The following ROR1 variants were observed in gnomAD, a reference collection of about 807,000 sequenced individuals.
ROR1 encodes the protein inactive tyrosine-protein kinase transmembrane receptor ROR1.
A neutral mutation model predicts 78.8 loss-of-function variants in ROR1; 19 were observed. The ratio of observed to expected loss-of-function variants is 0.24; its 90% CI spans 0.17 to 0.35. The LOEUF (loss-of-function observed/expected upper bound fraction) is 0.35, where lower values mean the gene tolerates loss of function less well. Among genes scored for constraint, ROR1 ranks in the 10% least tolerant of loss-of-function variants. ROR1 has a pLI of 1.00. For missense variants in ROR1, 917 were observed against 1,177.8 expected (o/e 0.78, Z 3.24); for synonymous variants, 386 against 433.6 (o/e 0.89, Z 1.36).
intron 1 of ROR1, among the ~76,000 whole-genome samples, chr1:63,890,871 C>CA (rs1645390023): frequency 6.6e-6 from 1 of 152,130 alleles, no homozygotes; most frequent in Non-Finnish European, 1.5e-5. Context: ...TGTCTACGGC[C>CA]ATACCACGCT....
At chr1:64,109,868 C>T (rs1229693144) in intron 4 of ROR1, among the ~76,000 whole-genome samples, 1 of 152,048 alleles carries the variant, frequency 6.6e-6, no homozygotes, top group Non-Finnish European at 1.5e-5. Context: ...GTGGGATGGG[C>T]AGGAATTTGT....
At chr1:63,868,404 G>A (rs955403181) in intron 1 of ROR1, among the ~76,000 whole-genome samples, 2 of 152,166 alleles carry the variant, frequency 1.3e-5, no homozygotes, top group South Asian at 4.1e-4. Flanking sequence ...GGCAGAGGGA[G>A]GCTGGGCCAT....
rs1569892814 is a variant in ROR1 at position 64,177,539 on chromosome 1, G to A, written c.1498G>A (p.Ala500Thr). 1 of 1,614,146 alleles carries A rather than the reference G, an allele frequency of 6.2e-7. No homozygotes were observed. Among genetic ancestry groups the A allele is most frequent in the East Asian group, 2.2e-5 (1 of 44,878 alleles). ...GHLYLPGMDH[A>T]QLVAIKTLKD... ...TCTCTATCTCCCAGGCATGGACCAT[G>A]CTCAGCTGGTTGCTATCAAGACCTT... The change falls in exon 9 of 9, where the codon GCT becomes ACT. Residue 500 changes from alanine to threonine, a missense_variant. Physicochemically the swap from Ala to Thr is moderately conservative, Grantham distance 58 (BLOSUM62 0). Around this residue, in one of 3 missense-constraint regions of ROR1, gnomAD observed 835 missense variants for 1,069.8 expected, o/e 0.78. Coordinates refer to ENST00000371079, the MANE Select transcript of ROR1 (RefSeq NM_005012.4).
chr1:64,102,591 G>A (rs764703798), intron 4 of ROR1, among the ~76,000 whole-genome samples: 1 of 152,176 alleles, frequency 6.6e-6, no homozygotes, highest in Non-Finnish European at 1.5e-5. Flanking sequence ...TTGTGCTGGT[G>A]ATACAAGTGC....
intron 1 of ROR1, among the ~76,000 whole-genome samples, chr1:63,913,966 A>G (rs1287773032): frequency 3.3e-5 from 5 of 152,200 alleles, no homozygotes; most frequent in African/African-American, 4.8e-5. Flanking sequence ...AATTCAGGGA[A>G]GGTTCTGGTT....
At chr1:63,877,883 A>C (rs1001802745) in intron 1 of ROR1, among the ~76,000 whole-genome samples, 1 of 152,170 alleles carries the variant, frequency 6.6e-6, no homozygotes, top group Non-Finnish European at 1.5e-5. Context: ...GAACATATCA[A>C]ACAAGACAAA....
intron 1 of ROR1, among the ~76,000 whole-genome samples, chr1:63,815,172 C>A (rs995458196): frequency 2.6e-5 from 4 of 152,144 alleles, no homozygotes; most frequent in African/African-American, 9.7e-5. Flanking sequence ...CCTCAACAGC[C>A]CTAGTTCCCC....
intron 1 of ROR1, among the ~76,000 whole-genome samples, chr1:63,948,543 A>G (rs1354029585): frequency 6.6e-6 from 1 of 152,194 alleles, no homozygotes; most frequent in Non-Finnish European, 1.5e-5. Flanking sequence ...TGCCTAGTAG[A>G]TGTTCAGTAA....
At chr1:63,959,693 G>A (rs1429578994) in intron 1 of ROR1, among the ~76,000 whole-genome samples, 1 of 152,100 alleles carries the variant, frequency 6.6e-6, no homozygotes, top group Non-Finnish European at 1.5e-5. Context: ...TTAGACAGCC[G>A]GCTTGCTACC....
Position 64,171,090 on chromosome 1 carries a change from G to A in ROR1, c.1387-6338G>A, listed in dbSNP as rs186062574. 367 of 167,794 alleles carry A rather than the reference G, an allele frequency of 2.2e-3. 1 individual carries two copies. The highest frequency in any genetic ancestry group is 8.0e-3 in the African/African-American group (335 of 41,714). 10.4% of individuals were successfully genotyped at this position (167,794 alleles called of 1,614,324 possible). ...GTTCCAAAGTCACTTCCACATTTTC[G>A]GGTATCTTTTCAGCAGCACCCCACT... On this transcript the variant is annotated intron_variant, in intron 8 of 8. Coordinates refer to ENST00000371079, the MANE Select transcript of ROR1 (RefSeq NM_005012.4).
chr1:64,010,059 A>T (rs1646463761), intron 2 of ROR1, among the ~76,000 whole-genome samples: 1 of 151,928 alleles, frequency 6.6e-6, no homozygotes, highest in South Asian at 2.1e-4. Flanking sequence ...CTTCTTATAC[A>T]TCCTGTGCTT....
intron 4 of ROR1, chr1:64,106,506 T>C (rs1647817321): frequency 6.6e-6 from 1 of 152,072 alleles, no homozygotes; most frequent in Non-Finnish European, 1.5e-5. Context: ...TTGAATAGAG[T>C]GGTGAGAAGA....
Position 63,869,836 on chromosome 1 carries a change from G to C in ROR1, c.91+95328G>C, listed in dbSNP as rs1569843561. ...ATGATCAAAAGGAATCTTGCAACTG[G>C]ACATAGTTTCTTTAGACAGAGACAG... On this transcript the variant is annotated intron_variant, in intron 1 of 8. Coordinates refer to ENST00000371079, the MANE Select transcript of ROR1 (RefSeq NM_005012.4). Among the ~76,000 whole-genome samples the C allele has an allele frequency of 2.0e-5, 3 of 152,236 alleles. No homozygotes were observed. The East Asian group carries it at 5.8e-4, about 29-fold the overall frequency.
intron 8 of ROR1, among the ~76,000 whole-genome samples, chr1:64,173,629 C>T (rs1650300436): frequency 6.6e-6 from 1 of 152,148 alleles, no homozygotes; most frequent in African/African-American, 2.4e-5. Flanking sequence ...TTTCTTTAGC[C>T]CCTTTCTCCA....
At chr1:63,991,601 A>C (rs1028850790) in intron 1 of ROR1, among the ~76,000 whole-genome samples, 1 of 152,132 alleles carries the variant, frequency 6.6e-6, no homozygotes, top group African/African-American at 2.4e-5. Context: ...GGTCTTCTTC[A>C]CCCATATGGG....
intron 1 of ROR1, among the ~76,000 whole-genome samples, chr1:63,930,141 G>A (rs1645739829): frequency 6.6e-6 from 1 of 152,092 alleles, no homozygotes. Flanking sequence ...ACAGGCCCCA[G>A]TGTGTGATGT....
At chr1:63,971,142 A>G (rs1056506752) in intron 1 of ROR1, among the ~76,000 whole-genome samples, 1 of 152,202 alleles carries the variant, frequency 6.6e-6, no homozygotes, top group Admixed American at 6.5e-5. Context: ...CATGAGAGAC[A>G]GTATAGCACA....
intron 1 of ROR1, among the ~76,000 whole-genome samples, chr1:63,784,638 A>G (rs147205999): frequency 2.6e-5 from 4 of 152,220 alleles, no homozygotes; most frequent in Admixed American, 6.5e-5. Context: ...CTTTGGCATC[A>G]GATGGACTAG....
chr1:64,072,653 G>T (rs1022812913), intron 4 of ROR1, among the ~76,000 whole-genome samples: 1 of 152,174 alleles, frequency 6.6e-6, no homozygotes, highest in South Asian at 2.1e-4. Flanking sequence ...CGTCATCCTA[G>T]TAAAAATAAT....
Sources: gnomAD v4.1 joint callset for allele counts (sites outside exome capture counted in the v4.1 genomes callset) on GRCh38, gnomAD v4.1.1 for gene constraint, gnomAD v4.1.1 regional missense constraint, MANE v1.5 for transcripts, NCBI Gene and HGNC (gene_info 2026-07-23, HGNC 2026-07-21) for gene names.